DNAH14: variants seen among roughly 807,000 people sequenced by gnomAD.
DNAH14 encodes dynein axonemal heavy chain 14.
A neutral mutation model predicts 520.9 loss-of-function variants in DNAH14; 478 were observed. The observed-to-expected ratio is 0.92, with a 90% CI of 0.85 to 0.99. The LOEUF (loss-of-function observed/expected upper bound fraction) is 0.99, where lower values mean the gene tolerates loss of function less well. DNAH14 is among the 50% of genes least tolerant of loss of function. The probability of loss-of-function intolerance (pLI) is 0.00; values close to 1 mark genes in which losing one functional copy is unlikely to be tolerated. For synonymous variants in DNAH14, 1,581 were observed against 1,757.2 expected (o/e 0.90, Z 2.51); for missense variants, 4,831 against 5,234.5 (o/e 0.92, Z 2.38).
intron 22 of DNAH14, among the ~76,000 whole-genome samples, chr1:225,099,208 C>T (rs893567831): frequency 4.6e-5 from 7 of 152,074 alleles, no homozygotes; most frequent in African/African-American, 9.7e-5. Context: ...AGGTCCATCA[C>T]GCAAGATAGA....
chr1:224,967,155 T>G (rs1204340456), intron 5 of DNAH14, among the ~76,000 whole-genome samples: 1 of 152,098 alleles, frequency 6.6e-6, no homozygotes, highest in Non-Finnish European at 1.5e-5. Context: ...TTTGGATTAG[T>G]AAGCATGTAT....
chr1:225,152,663 T>A, intron 32 of DNAH14, 34 bp from the exon 33 acceptor site: 1 of 1,491,660 alleles, frequency 6.7e-7, no homozygotes, highest in South Asian at 1.3e-5. Context: ...TGAGAAGTGG[T>A]GTTTTTATTG....
chr1:225,335,189 GTATA>G (rs1477932355), intron 66 of DNAH14, among the ~76,000 whole-genome samples: 2 of 140,606 alleles, frequency 1.4e-5, no homozygotes, highest in Admixed American at 6.9e-5. Flanking sequence ...GCGCATGTGT[GTATA>G]TATGCACACA....
chr1:225,154,645 AAAGATC>A (rs2080853164), intron 34 of DNAH14, among the ~76,000 whole-genome samples: 2 of 152,238 alleles, frequency 1.3e-5, no homozygotes, highest in African/African-American at 4.8e-5. Flanking sequence ...CCATCAGGAT[AAAGATC>A]AAGTTGCAAC....
intron 82 of DNAH14, among the ~76,000 whole-genome samples, chr1:225,389,228 C>T (rs2095875569): frequency 6.6e-6 from 1 of 152,192 alleles, no homozygotes; most frequent in Admixed American, 6.5e-5. Flanking sequence ...TAGGTGCTAT[C>T]ATTATCATCA....
At chr1:224,978,952 G>A (rs997241929) in intron 8 of DNAH14, among the ~76,000 whole-genome samples, 8 of 152,072 alleles carry the variant, frequency 5.3e-5, no homozygotes, top group Non-Finnish European at 8.8e-5. Flanking sequence ...TTAAAAAAGA[G>A]GATATTGAAT....
At chr1:225,328,969 T>C (rs1207226553) in intron 64 of DNAH14, among the ~76,000 whole-genome samples, 6 of 152,060 alleles carry the variant, frequency 3.9e-5, no homozygotes, top group African/African-American at 1.4e-4. Flanking sequence ...ATAAATTAGG[T>C]ATATATTTTC....
At chr1:225,310,151 GTTTGTT>G (rs1441607667) in intron 60 of DNAH14, among the ~76,000 whole-genome samples, 1 of 151,800 alleles carries the variant, frequency 6.6e-6, no homozygotes, top group African/African-American at 2.4e-5. Flanking sequence ...AATTCATGGC[GTTTGTT>G]TTTGCTTTTT....
chr1:225,090,293 A>G (rs1290133534), intron 21 of DNAH14, among the ~76,000 whole-genome samples: 1 of 152,146 alleles, frequency 6.6e-6, no homozygotes, highest in Non-Finnish European at 1.5e-5. Flanking sequence ...TGAAAGACCT[A>G]ATAAAGATGT....
chr1:225,083,801 G>C (rs1435393280), intron 20 of DNAH14, among the ~76,000 whole-genome samples: 1 of 152,082 alleles, frequency 6.6e-6, no homozygotes, highest in African/African-American at 2.4e-5. Context: ...TGATGTCAGA[G>C]CATAAGAGCA....
In DNAH14 at chr1:225,303,288, G is replaced by A; in HGVS notation, c.8764G>A (p.Ala2922Thr). Residue 2922 changes from alanine (A) to threonine (T), a missense_variant, in exon 57 of 86, where the codon GCT (alanine) becomes ACT (threonine). Coordinates refer to ENST00000682510, the MANE Select transcript of DNAH14 (RefSeq NM_001367479.1). ...TTGGTATGAGAGGTGGCCAGAAGAA[G>A]CTCTCCTTATTGTAGCTAACTCATT... ...IDWYERWPEE[A>T]LLIVANSFLK... is the part of the protein sequence containing the mutation. 1.9e-6 allele frequency: 3 copies of A among 1,551,458 alleles called. No individual in the cohort carries two copies. The highest frequency in any genetic ancestry group is 2.6e-6 in the Non-Finnish European group (3 of 1,146,826).
At chr1:225,369,861 C>T (rs1043268517) in intron 77 of DNAH14, among the ~76,000 whole-genome samples, 4 of 152,062 alleles carry the variant, frequency 2.6e-5, no homozygotes, top group African/African-American at 7.2e-5. Flanking sequence ...AGAAACATAA[C>T]TCTAGATAAC....
At chr1:225,189,912 T>C (rs889760002) in intron 37 of DNAH14, among the ~76,000 whole-genome samples, 2 of 151,930 alleles carry the variant, frequency 1.3e-5, no homozygotes, top group African/African-American at 4.8e-5. Context: ...AACATTTGGA[T>C]TCCTTCTTCA....
At chr1:225,263,804 C>T (rs935202858) in intron 46 of DNAH14, among the ~76,000 whole-genome samples, 2 of 152,016 alleles carry the variant, frequency 1.3e-5, no homozygotes, top group African/African-American at 4.8e-5. Context: ...TAGAGAAAGA[C>T]AACTATTTTC....
At chr1:225,178,635 A>G (rs1384617420) in intron 36 of DNAH14, among the ~76,000 whole-genome samples, 1 of 152,194 alleles carries the variant, frequency 6.6e-6, no homozygotes, top group Non-Finnish European at 1.5e-5. Context: ...TTACAAGCCC[A>G]TAGGCAGATG....
At chr1:224,987,990 T>C (rs1462438094) in intron 8 of DNAH14, among the ~76,000 whole-genome samples, 4 of 152,106 alleles carry the variant, frequency 2.6e-5, no homozygotes, top group African/African-American at 9.7e-5. Flanking sequence ...GCTGCACCTA[T>C]CAACCCACCA....
chr1:225,331,231 G>T (rs931500925), intron 64 of DNAH14, among the ~76,000 whole-genome samples: 1 of 151,796 alleles, frequency 6.6e-6, no homozygotes, highest in African/African-American at 2.4e-5. Flanking sequence ...AAGCAAGATG[G>T]CATTTAAAAA....
At chr1:225,264,868 A>G (rs2093058556) in intron 47 of DNAH14, among the ~76,000 whole-genome samples, 1 of 152,180 alleles carries the variant, frequency 6.6e-6, no homozygotes, top group Admixed American at 6.5e-5. Flanking sequence ...CTCAGGGAAT[A>G]TACCCTAATT....
rs1165413411 is a variant in DNAH14, at chr1:225,335,638, C to T, written c.10081-1628C>T. On this transcript the variant is annotated intron_variant, in intron 66 of 85. Transcript: ENST00000682510. ...GTATATACGCATATATACATATGTG[C>T]ATATATGTATATACGCATATATACA... is the stretch of plus-strand genomic sequence containing the variant. Among the ~76,000 whole-genome samples, 3 of 114,358 alleles carry T rather than the reference C, an allele frequency of 2.6e-5. 1 individual carries two copies. The highest frequency in any genetic ancestry group is 2.7e-4 in the South Asian group (1 of 3,670). 75.0% of individuals were successfully genotyped at this position (114,358 alleles called of 152,430 possible).
Sources: gnomAD v4.1 joint callset for allele counts (sites outside exome capture counted in the v4.1 genomes callset) on GRCh38, gnomAD v4.1.1 for gene constraint, MANE v1.5 for transcripts, NCBI Gene and HGNC (gene_info 2026-07-23, HGNC 2026-07-21) for gene names.